The following ADAR variants were observed in gnomAD, a reference collection of about 807,000 sequenced individuals.
ADAR encodes the protein double-stranded RNA-specific adenosine deaminase.
ADAR carries 41 observed loss-of-function variants against 113.2 expected under a neutral mutation model. The ratio of observed to expected loss-of-function variants is 0.36; its 90% CI spans 0.28 to 0.47. The LOEUF (loss-of-function observed/expected upper bound fraction) is 0.47. Among genes scored for constraint, ADAR ranks in the 20% least tolerant of loss-of-function variants. ADAR has a pLI of 1.00. For synonymous variants in ADAR, 605 were observed against 572.6 expected (o/e 1.06, Z -0.81); for missense variants, 1,242 against 1,540.9 (o/e 0.81, Z 3.25).
intron 7 of ADAR, 23 bp from the exon 8 acceptor site, chr1:154,589,951 C>T: frequency 1.2e-6 from 2 of 1,613,408 alleles, no homozygotes; most frequent in Non-Finnish European, 1.7e-6. Flanking sequence ...GAGGCTGTGT[C>T]AGCACCACAA....
At chr1:154,598,985 G>C (rs1291412559) in intron 2 of ADAR, among the ~76,000 whole-genome samples, 1 of 152,192 alleles carries the variant, frequency 6.6e-6, no homozygotes, top group African/African-American at 2.4e-5. Context: ...GCCTCCTCAA[G>C]GGAGGGTCCT....
intron 6 of ADAR, among the ~76,000 whole-genome samples, chr1:154,591,324 A>C (rs897997704): frequency 2.6e-5 from 4 of 152,264 alleles, no homozygotes; most frequent in African/African-American, 9.6e-5. Context: ...TCTGATTTTT[A>C]AAGCGCCCAA....
rs1163093695 is a variant in ADAR at position 154,585,016 on chromosome 1, G to C, written c.3471C>G (p.Ser1157=). Residue 1157 remains serine, a synonymous_variant, in exon 15 of 15, where the codon TCC becomes TCG. Coordinates refer to ENST00000368474, the MANE Select transcript of ADAR (RefSeq NM_001111.5). ...DGPRNELSRV[S]KKNIFLLFKK... is the part of the protein sequence containing the mutation. ...TAAATAGAAGAAAAATGTTCTTTTT[G>C]GAGACCCGGGACAATTCATTCCGTG... is the stretch of plus-strand genomic sequence containing the variant. 6.2e-7 allele frequency: 1 copy of C among 1,613,858 alleles called. No homozygotes were observed. Among genetic ancestry groups the C allele is most frequent in the African/African-American group, 1.3e-5 (1 of 74,884 alleles).
rs145598720 is a variant in ADAR, at chr1:154,623,188, G to C, written c.-871+4667C>G. Among the ~76,000 whole-genome samples the C allele has an allele frequency of 8.2e-3, 1,255 of 152,280 alleles. 6 individuals carry two copies. The highest frequency in any genetic ancestry group is 0.026 in the South Asian group (126 of 4,828). Reference sequence around the variant, plus strand: ...AGGTGTTTATGGGAGCAGAGAGAAGGGATGCCTAGCTCATTAAGGAAGGTG... The same window carrying C: ...AGGTGTTTATGGGAGCAGAGAGAAGCGATGCCTAGCTCATTAAGGAAGGTG... On this transcript the variant is annotated intron_variant, in intron 1 of 14. Coordinates refer to the ADAR transcript ENST00000368471.
At chr1:154,593,560 T>C (rs1697306848) in intron 6 of ADAR, among the ~76,000 whole-genome samples, 1 of 152,208 alleles carries the variant, frequency 6.6e-6, no homozygotes, top group Admixed American at 6.5e-5. Context: ...AAAGAGGAAA[T>C]GCACTGAACC....
chr1:154,622,092 G>C (rs527590043), intron 1 of ADAR, among the ~76,000 whole-genome samples: 11 of 152,252 alleles, frequency 7.2e-5, no homozygotes, highest in East Asian at 5.8e-4. Flanking sequence ...CCCTGGGAGA[G>C]GGCTGAAGAC....
upstream of ADAR, among the ~76,000 whole-genome samples, chr1:154,610,741 C>T (rs373313676): frequency 3.8e-5 from 5 of 132,674 alleles, no homozygotes; most frequent in Non-Finnish European, 6.2e-5. Context: ...AGCAGGGAGT[C>T]GGAGGTTGCA....
At chr1:154,626,062 T>A (rs1698925981) in intron 1 of ADAR, among the ~76,000 whole-genome samples, 1 of 146,672 alleles carries the variant, frequency 6.8e-6, no homozygotes, top group African/African-American at 2.5e-5. Context: ...TGATCCCAGC[T>A]ACTCGGGATA....
intron 1 of ADAR, among the ~76,000 whole-genome samples, chr1:154,621,058 C>T (rs915103691): frequency 5.9e-5 from 9 of 152,056 alleles, no homozygotes; most frequent in African/African-American, 2.2e-4. Context: ...TTATGATTAT[C>T]TATATATGTG....
At chr1:154,614,661 C>G (rs1698584320) in intron 1 of ADAR, among the ~76,000 whole-genome samples, 1 of 152,216 alleles carries the variant, frequency 6.6e-6, no homozygotes. Context: ...ACGAAACAAC[C>G]AATATGTTGC....
chr1:154,590,222 G>A lies in ADAR; in HGVS notation c.2458C>T (p.Leu820Phe). 4 of 1,613,240 alleles carry A rather than the reference G, an allele frequency of 2.5e-6. No individual in the cohort carries two copies. In the East Asian group the frequency reaches 8.9e-5, roughly 36 times the overall value. Reference protein sequence around the residue: ...VTGASLRRTMLLLSRSPEAQP... With the variant: ...VTGASLRRTMFLLSRSPEAQP... Reference sequence around the variant, plus strand: ...GCTTCTGGGGACCTTGAGAGGAGGAGCATAGTTCTTCTGAGACTGGCCCCT... The same window carrying A: ...GCTTCTGGGGACCTTGAGAGGAGGAACATAGTTCTTCTGAGACTGGCCCCT... The change falls in exon 7 of 15, where the codon CTC (leucine) becomes TTC (phenylalanine). Residue 820 changes from leucine (L) to phenylalanine (F), a missense_variant. Leu to Phe is a conservative substitution (Grantham distance 22, BLOSUM62 0). Transcript: ENST00000368474.
intron 1 of ADAR, among the ~76,000 whole-genome samples, chr1:154,613,281 CTTTTTTTTTTTTTT>C (rs56126079): frequency 1.1e-4 from 9 of 84,664 alleles, no homozygotes; most frequent in African/African-American, 4.2e-4. Context: ...TCACAAATGG[CTTTTTTTTTTTTTT>C]TTTTTTTGAG....
chr1:154,617,742 A>G (rs1698673815), intron 1 of ADAR, among the ~76,000 whole-genome samples: 1 of 152,200 alleles, frequency 6.6e-6, no homozygotes, highest in Non-Finnish European at 1.5e-5. Context: ...TCTGTTATTA[A>G]ATCAATAGCA....
chr1:154,598,527 T>C lies in ADAR; in HGVS notation c.1660A>G (p.Lys554Glu). The C allele has an allele frequency of 6.2e-7, 1 of 1,614,236 alleles. No individual in the cohort carries two copies. The highest frequency in any genetic ancestry group is 8.5e-7 in the Non-Finnish European group (1 of 1,180,050). ...REFPPAEAGS[K>E]KVAKQDAAMK... ...GCTGCATCCTGCTTGGCCACTTTCT[T>C]GCTTCCAGCTTCAGCTGGGGGAAAC... The change falls in exon 3 of 15, where the codon AAG (lysine) becomes GAG (glutamate). Residue 554 changes from lysine to glutamate, a missense_variant. Coordinates refer to ENST00000368474, the MANE Select transcript of ADAR (RefSeq NM_001111.5).
chr1:154,587,258 G>C (rs147175582), intron 11 of ADAR, among the ~76,000 whole-genome samples: 1 of 152,292 alleles, frequency 6.6e-6, no homozygotes, highest in African/African-American at 2.4e-5. Context: ...GATCTTTTGT[G>C]ACTGGCTTTT....
chr1:154,606,935 T>C (rs1698221903), intron 1 of ADAR, among the ~76,000 whole-genome samples: 1 of 32,596 alleles, frequency 3.1e-5, no homozygotes, highest in African/African-American at 9.3e-5. Flanking sequence ...AAGGAGTGCT[T>C]AAAAAAAAAA....
intron 1 of ADAR, among the ~76,000 whole-genome samples, chr1:154,624,088 G>A (rs1052124005): frequency 3.9e-5 from 6 of 152,076 alleles, no homozygotes; most frequent in African/African-American, 1.4e-4. Context: ...AAAAGGAAGG[G>A]CCAAGAAAGC....
chr1:154,590,135 A>AGGCGGGGGGGGGGGGGGGGGGG, intron 7 of ADAR, 49 bp downstream of exon 7: 5 of 1,205,018 alleles, frequency 4.1e-6, no homozygotes, highest in East Asian at 2.5e-5. Context: ...CTTAGGAGTT[A>AGGCGGGGGGGGGGGGGGGGGGG]GGAGGACCCC....
At chr1:154,593,028 G>A (rs1697249501) in intron 6 of ADAR, among the ~76,000 whole-genome samples, 2 of 150,826 alleles carry the variant, frequency 1.3e-5, no homozygotes, top group African/African-American at 2.4e-5. Flanking sequence ...CCAGCTACTC[G>A]AGGAGCTGAG....
Sources: gnomAD v4.1 joint callset for allele counts (sites outside exome capture counted in the v4.1 genomes callset) on GRCh38, gnomAD v4.1.1 for gene constraint, MANE v1.5 for transcripts, NCBI Gene and HGNC (gene_info 2026-07-23, HGNC 2026-07-21) for gene names.